MTDH: variants seen among roughly 807,000 people sequenced by gnomAD.
The protein encoded by MTDH is metadherin.
In MTDH, 34 loss-of-function variants were observed where a neutral mutation model predicts 72.7. That is an observed-to-expected ratio of 0.47 (90% CI 0.36 to 0.62). MTDH has a LOEUF of 0.62. Ranked by LOEUF, MTDH falls within the 20% of genes least tolerant of loss-of-function variation. The pLI is 0.00. For missense variants in MTDH, 677 were observed against 699.4 expected, an observed-to-expected ratio of 0.97 and a Z score of 0.36; for synonymous variants, 266 against 268.9, an observed-to-expected ratio of 0.99 and a Z score of 0.10.
At chr8:97,718,543 CAG>C (rs1369290638) in intron 9 of MTDH, among the ~76,000 whole-genome samples, 2 of 145,540 alleles carry the variant, frequency 1.4e-5, no homozygotes, top group African/African-American at 2.6e-5. Flanking sequence ...TTTTGTGAGA[CAG>C]AGTTTTCCTC....
At chr8:97,721,117 C>G (rs1815103775) in intron 10 of MTDH, among the ~76,000 whole-genome samples, 1 of 151,960 alleles carries the variant, frequency 6.6e-6, no homozygotes, top group African/African-American at 2.4e-5. Context: ...ACAGGGAACA[C>G]TAAGAAAGGT....
At position 97,713,757 on chromosome 8, in the gene MTDH, C is replaced by G. The variant is rs770444544; in HGVS notation, c.1368C>G (p.Asn456Lys). ...AAAAGAAGAAGCAAGGTGAAGATAA[C>G]TCTACTGCACAGGTAAAATGTCAGA... is the stretch of plus-strand genomic sequence containing the variant. ...KKKKKKQGED[N>K]STAQDTEELE... The change falls in exon 9 of 12, where the codon AAC (asparagine) becomes AAG (lysine). Residue 456 changes from asparagine to lysine, a missense_variant. Asn to Lys is a moderately conservative substitution (Grantham distance 94). Around this residue, in one of 3 missense-constraint regions of MTDH, gnomAD observed 201 missense variants for 204.5 expected, o/e 0.98. Transcript: ENST00000336273. 2 of 1,573,506 alleles carry G rather than the reference C, an allele frequency of 1.3e-6. No homozygotes were observed. Among genetic ancestry groups the G allele is most frequent in the Non-Finnish European group, 1.7e-6 (2 of 1,161,624 alleles).
intron 10 of MTDH, among the ~76,000 whole-genome samples, chr8:97,720,681 C>G (rs1326863403): frequency 7.4e-6 from 1 of 134,622 alleles, no homozygotes; most frequent in Middle Eastern, 4.6e-3. Flanking sequence ...GAGTCTTGCT[C>G]TATTGCCCAG....
intron 1 of MTDH, among the ~76,000 whole-genome samples, chr8:97,656,214 T>C (rs1204031272): frequency 6.6e-6 from 1 of 152,144 alleles, no homozygotes; most frequent in African/African-American, 2.4e-5. Context: ...ACCTTATATA[T>C]GCTTACCTCA....
chr8:97,681,494 T>TC (rs1462205358), intron 2 of MTDH, among the ~76,000 whole-genome samples: 62 of 147,162 alleles, frequency 4.2e-4, no homozygotes, highest in South Asian at 8.6e-4. Context: ...ATTTTTTCTT[T>TC]TTTTTTTTTT....
chr8:97,650,327 T>C (rs984325170), intron 1 of MTDH, among the ~76,000 whole-genome samples: 2 of 151,552 alleles, frequency 1.3e-5, no homozygotes, highest in South Asian at 4.2e-4. Flanking sequence ...CAGGCTGGAG[T>C]GCAGTGGCGT....
intron 2 of MTDH, among the ~76,000 whole-genome samples, chr8:97,685,716 C>T (rs1050424931): frequency 6.0e-5 from 9 of 150,284 alleles, no homozygotes; most frequent in East Asian, 2.0e-4. Context: ...GCCGAGATCA[C>T]GCCACTGCAC....
chr8:97,717,042 G>C (rs1217054058), intron 9 of MTDH, among the ~76,000 whole-genome samples: 1 of 152,126 alleles, frequency 6.6e-6, no homozygotes, highest in East Asian at 1.9e-4. Flanking sequence ...TTCAACTTGG[G>C]ATGGAAATAA....
Position 97,724,810 on chromosome 8 carries a change from T to C in MTDH, c.*140T>C. The C allele has an allele frequency of 7.3e-6, 4 of 544,942 alleles. No individual in the cohort carries two copies. The highest frequency in any genetic ancestry group is 1.2e-5 in the Non-Finnish European group (4 of 324,506). 33.8% of individuals were successfully genotyped at this position (544,942 alleles called of 1,614,324 possible). On this transcript the variant is annotated 3_prime_UTR_variant, in exon 12 of 12. Transcript: ENST00000336273. ...TAAAACAAAACTGCGGACACCACCA[T>C]AAAAATGGAATCAAAAGAAAGTTAA...
chr8:97,659,057 C>T (rs1253839360), intron 1 of MTDH, among the ~76,000 whole-genome samples: 1 of 151,800 alleles, frequency 6.6e-6, no homozygotes, highest in African/African-American at 2.4e-5. Context: ...GCAGGAGAAT[C>T]GCTTGAATCC....
chr8:97,713,578 G>T, intron 8 of MTDH, 84 bp from the exon 9 acceptor site: 1 of 750,964 alleles, frequency 1.3e-6, no homozygotes. Flanking sequence ...TGTACCTAAT[G>T]AATGAAATTA....
chr8:97,716,847 G>GT (rs1334782923), intron 9 of MTDH, among the ~76,000 whole-genome samples: 4 of 151,950 alleles, frequency 2.6e-5, no homozygotes, highest in Non-Finnish European at 4.4e-5. Flanking sequence ...TAGGACTACA[G>GT]TTTTTTTATT....
chr8:97,673,022 G>A (rs749232296), intron 2 of MTDH, among the ~76,000 whole-genome samples: 17 of 152,192 alleles, frequency 1.1e-4, no homozygotes, highest in Middle Eastern at 3.4e-3. Flanking sequence ...AGGTAGACAC[G>A]GCTGTATGTA....
chr8:97,684,922 C>G (rs1295280141), intron 2 of MTDH, among the ~76,000 whole-genome samples: 1 of 152,094 alleles, frequency 6.6e-6, no homozygotes, highest in Non-Finnish European at 1.5e-5. Context: ...AAAAATTATA[C>G]AGATGTGGTG....
At chr8:97,715,076 T>G (rs1472391605) in intron 9 of MTDH, among the ~76,000 whole-genome samples, 2 of 152,134 alleles carry the variant, frequency 1.3e-5, no homozygotes, top group African/African-American at 4.8e-5. Flanking sequence ...GCGGCCCAAC[T>G]CAGCCTCCCA....
chr8:97,706,386 A>G, intron 7 of MTDH: 1 of 254,248 alleles, frequency 3.9e-6, no homozygotes, highest in Non-Finnish European at 7.4e-6. Flanking sequence ...GTGGAATCAA[A>G]TGGCTAATAA....
At position 97,706,229 on chromosome 8, in the gene MTDH, G is replaced by A. The variant is rs185084889; in HGVS notation, c.1148-397G>A. Among the ~76,000 whole-genome samples the A allele has an allele frequency of 2.5e-3, 374 of 152,242 alleles. 1 individual carries two copies. Among genetic ancestry groups the A allele is most frequent in the African/African-American group, 8.5e-3 (355 of 41,536 alleles). On this transcript the variant is annotated intron_variant, in intron 7 of 11. Coordinates refer to ENST00000336273, the MANE Select transcript of MTDH (RefSeq NM_178812.4). ...TAGGGATTGTAACTTTGGTACTACT[G>A]TTAAGAATTAATTCCAAACCCTAGA...
intron 9 of MTDH, among the ~76,000 whole-genome samples, chr8:97,714,871 G>A (rs1447716266): frequency 6.6e-6 from 1 of 151,820 alleles, no homozygotes; most frequent in Non-Finnish European, 1.5e-5. Context: ...TGTTGCCCAG[G>A]CTGGAGTGCA....
chr8:97,691,436 A>G (rs1265705017), intron 6 of MTDH, among the ~76,000 whole-genome samples: 5 of 152,202 alleles, frequency 3.3e-5, no homozygotes, highest in Non-Finnish European at 5.9e-5. Flanking sequence ...CAACATAGCT[A>G]ACTGGTGTAA....
Sources: allele counts gnomAD v4.1 joint callset (sites outside exome capture counted in the v4.1 genomes callset), GRCh38; gene constraint gnomAD v4.1.1; regional missense constraint gnomAD v4.1.1; transcripts MANE v1.5; gene names NCBI Gene and HGNC (gene_info 2026-07-23, HGNC 2026-07-21).